IDO2: variants seen among roughly 807,000 people sequenced by gnomAD.
The protein encoded by IDO2 is indoleamine 2,3-dioxygenase 2.
Under a neutral mutation model 45.1 loss-of-function variants are expected in IDO2, and 46 were observed. That is an observed-to-expected ratio of 1.02 (90% CI 0.80 to 1.30). The LOEUF (loss-of-function observed/expected upper bound fraction) is 1.30, where lower values mean the gene tolerates loss of function less well. IDO2 is among the 50% of genes most tolerant of loss of function. The pLI is 0.00. For synonymous variants in IDO2, 218 were observed against 184.9 expected (o/e 1.18, Z -1.45); for missense variants, 544 against 491.8 (o/e 1.11, Z -1.00).
At chr8:39,970,065 G>A (rs1377123046) in intron 3 of IDO2, among the ~76,000 whole-genome samples, 1 of 152,164 alleles carries the variant, frequency 6.6e-6, no homozygotes, top group African/African-American at 2.4e-5. Context: ...AAGCAAAAGA[G>A]CCTTATTGCT....
At chr8:39,942,293 T>C (rs933055114) in intron 1 of IDO2, among the ~76,000 whole-genome samples, 2 of 152,142 alleles carry the variant, frequency 1.3e-5, no homozygotes, top group Admixed American at 6.5e-5. Context: ...TGAAAGGCCA[T>C]GTAGCTAATA....
At chr8:39,996,231 A>G (rs1003564348) in intron 8 of IDO2, among the ~76,000 whole-genome samples, 1 of 152,204 alleles carries the variant, frequency 6.6e-6, no homozygotes, top group African/African-American at 2.4e-5. Flanking sequence ...TGGAGGCCTA[A>G]CCGTCTCCCT....
chr8:39,960,724 C>T (rs980197287), intron 2 of IDO2, among the ~76,000 whole-genome samples: 8 of 152,180 alleles, frequency 5.3e-5, no homozygotes, highest in Non-Finnish European at 1.0e-4. Context: ...TGTAATGATG[C>T]GGTTGACCTT....
intron 9 of IDO2, among the ~76,000 whole-genome samples, chr8:40,012,311 A>G (rs1802321047): frequency 6.6e-6 from 1 of 152,222 alleles, no homozygotes; most frequent in Non-Finnish European, 1.5e-5. Flanking sequence ...CCTTAGTAAA[A>G]ATGGAAATCC....
At chr8:40,012,536 A>C (rs1215529731) in intron 9 of IDO2, among the ~76,000 whole-genome samples, 1 of 152,262 alleles carries the variant, frequency 6.6e-6, no homozygotes, top group Non-Finnish European at 1.5e-5. Context: ...AAGATGCTTT[A>C]TAAACTATAC....
intron 3 of IDO2, 130 bp downstream of exon 3, chr8:39,963,833 A>G (rs919741502): frequency 1.1e-5 from 6 of 570,260 alleles, no homozygotes; most frequent in African/African-American, 5.7e-5. Context: ...CAGCAAAGCT[A>G]TATCTTCCTT....
At chr8:39,991,285 T>G (rs1808492776) in intron 8 of IDO2, among the ~76,000 whole-genome samples, 1 of 152,172 alleles carries the variant, frequency 6.6e-6, no homozygotes, top group African/African-American at 2.4e-5. Context: ...GTAGGTCTTC[T>G]GCCAAACAGC....
At chr8:39,985,548 A>G (rs747418144) in intron 6 of IDO2, 26 bp downstream of exon 6, 1 of 1,552,012 alleles carries the variant, frequency 6.4e-7, no homozygotes, top group Non-Finnish European at 8.7e-7. Flanking sequence ...TCATTTACGC[A>G]CTTTAGAATC....
intron 3 of IDO2, among the ~76,000 whole-genome samples, chr8:39,973,660 A>G (rs546325481): frequency 4.3e-4 from 66 of 152,132 alleles, no homozygotes; most frequent in African/African-American, 1.5e-3. Context: ...GCTAAACTCC[A>G]TATTTCTTTT....
At chr8:40,005,189 C>T (rs769070074) in intron 8 of IDO2, 138 bp from the exon 9 acceptor site, 13 of 492,680 alleles carry the variant, frequency 2.6e-5, no homozygotes, top group Admixed American at 3.5e-5. Context: ...TTCTATCCCC[C>T]GTTGCTGCAG....
At chr8:40,009,093 C>A (rs1394602426) in intron 9 of IDO2, among the ~76,000 whole-genome samples, 1 of 152,206 alleles carries the variant, frequency 6.6e-6, no homozygotes, top group Non-Finnish European at 1.5e-5. Flanking sequence ...TGGCTCACTG[C>A]AACCTCTGCC....
chr8:39,970,152 A>T (rs1332176309), intron 3 of IDO2, among the ~76,000 whole-genome samples: 1 of 152,224 alleles, frequency 6.6e-6, no homozygotes, highest in Non-Finnish European at 1.5e-5. Flanking sequence ...GCCTAATTCA[A>T]AGAAAGGCCC....
At chr8:39,964,396 A>C (rs6983759) in intron 3 of IDO2, among the ~76,000 whole-genome samples, 1,905 of 152,340 alleles carry the variant, frequency 0.013, 46 homozygotes, top group African/African-American at 0.043. Context: ...AATCACTTTC[A>C]AAGTGGCCCT....
chr8:39,978,057 G>A (rs1220883549), intron 3 of IDO2, among the ~76,000 whole-genome samples: 2 of 152,144 alleles, frequency 1.3e-5, no homozygotes, highest in Non-Finnish European at 2.9e-5. Context: ...CTGTATTTTA[G>A]AACCCCTGGG....
intron 3 of IDO2, among the ~76,000 whole-genome samples, chr8:39,971,885 T>C (rs775047427): frequency 1.3e-5 from 2 of 152,154 alleles, no homozygotes; most frequent in Non-Finnish European, 2.9e-5. Flanking sequence ...CTTGGCTCAC[T>C]GCAGGCTCTG....
chr8:40,016,159 T>C, exon 11 of IDO2: 1 of 396,234 alleles, frequency 2.5e-6, no homozygotes, highest in Non-Finnish European at 4.5e-6. Context: ...AAGTCACTAG[T>C]GTGAAAATGA....
rs1196475653 is a variant in IDO2 at position 39,983,870 on chromosome 8, A to AAG, written c.434+1101_434+1102insGA. On this transcript the variant is annotated intron_variant, in intron 5 of 10. Transcript: ENST00000502986. The stretch of plus-strand genomic sequence containing the variant: ...ACAAACTCTGTCTCAAAAGAAAAAA[A>AAG]AATTATGTGCCCCATTGGAAGAAGT... 2.4e-4 allele frequency among the ~76,000 whole-genome samples: 36 copies of AAG among 150,082 alleles called. No individual in the cohort carries two copies. The East Asian group carries it at 6.9e-3, about 29-fold the overall frequency.
intron 2 of IDO2, among the ~76,000 whole-genome samples, chr8:39,956,413 G>C (rs936534412): frequency 6.6e-6 from 1 of 152,094 alleles, no homozygotes; most frequent in Non-Finnish European, 1.5e-5. Context: ...TCATCTATCC[G>C]TTGATATAGC....
intron 3 of IDO2, among the ~76,000 whole-genome samples, chr8:39,971,453 T>G (rs1808178011): frequency 6.6e-6 from 1 of 152,192 alleles, no homozygotes; most frequent in Non-Finnish European, 1.5e-5. Context: ...TTCTGCAACC[T>G]ATGGATCAAG....
Sources: allele counts gnomAD v4.1 joint callset (sites outside exome capture counted in the v4.1 genomes callset), GRCh38; gene constraint gnomAD v4.1.1; transcripts MANE v1.5; gene names NCBI Gene and HGNC (gene_info 2026-07-23, HGNC 2026-07-21).